Variants in GPC5 observed in about 807,000 individuals in gnomAD.
GPC5 encodes the protein glypican 5.
GPC5 carries 47 observed loss-of-function variants against 53.9 expected under a neutral mutation model. That is an observed-to-expected ratio of 0.87 (90% confidence interval 0.69 to 1.11). The LOEUF (loss-of-function observed/expected upper bound fraction) is 1.11, where lower values mean the gene tolerates loss of function less well. Ranked by LOEUF, GPC5 falls within the 50% of genes most tolerant of loss-of-function variation. GPC5 has a pLI of 0.00. For missense variants in GPC5, 748 were observed against 713.1 expected (o/e 1.05, Z -0.56); for synonymous variants, 286 against 263.3 (o/e 1.09, Z -0.84).
Position 91,971,974 on chromosome 13 carries a change from T to A in GPC5, c.1401+63917T>A, listed in dbSNP as rs1412130334. ...TGGGGTGGAGAGTTCTGTAGATGTC[T>A]ATTAGGTCTGCTTGGTGCAGAGCTG... On this transcript the variant is annotated intron_variant, in intron 6 of 7. Coordinates refer to ENST00000377067, the MANE Select transcript of GPC5 (RefSeq NM_004466.6). Among the ~76,000 whole-genome samples, 3 of 152,168 alleles carry A rather than the reference T, an allele frequency of 2.0e-5. No homozygotes were observed. The East Asian group carries it at 5.8e-4, about 29-fold the overall frequency.
intron 6 of GPC5, among the ~76,000 whole-genome samples, chr13:91,946,349 A>G (rs2039974350): frequency 1.3e-5 from 2 of 152,176 alleles, no homozygotes; most frequent in Admixed American, 1.3e-4. Flanking sequence ...TTAAAATATA[A>G]AAAGGCAATA....
intron 6 of GPC5, among the ~76,000 whole-genome samples, chr13:91,928,404 A>G (rs1306081495): frequency 6.6e-6 from 1 of 152,182 alleles, no homozygotes; most frequent in Non-Finnish European, 1.5e-5. Context: ...TAAAGAGAGA[A>G]TGTTGTGAGT....
chr13:92,651,438 C>T (rs1885954802), intron 7 of GPC5, among the ~76,000 whole-genome samples: 1 of 152,080 alleles, frequency 6.6e-6, no homozygotes, highest in African/African-American at 2.4e-5. Flanking sequence ...AAACATCAAT[C>T]AAATCCCAAT....
At chr13:91,571,666 A>C (rs2031785990) in intron 2 of GPC5, among the ~76,000 whole-genome samples, 1 of 151,484 alleles carries the variant, frequency 6.6e-6, no homozygotes, top group South Asian at 2.1e-4. Context: ...TGGAAATTGC[A>C]GTGAGCCAAG....
At chr13:91,938,326 A>G (rs1431309220) in intron 6 of GPC5, among the ~76,000 whole-genome samples, 1 of 152,088 alleles carries the variant, frequency 6.6e-6, no homozygotes, top group Non-Finnish European at 1.5e-5. Flanking sequence ...GGGAAGTGCA[A>G]CACTCTTTTA....
intron 7 of GPC5, among the ~76,000 whole-genome samples, chr13:92,353,327 T>G (rs1442735809): frequency 1.3e-5 from 2 of 148,356 alleles, no homozygotes; most frequent in Non-Finnish European, 3.0e-5. Flanking sequence ...AACTGCCAGA[T>G]AGTCATACGA....
At chr13:91,410,626 G>A (rs28450250) in intron 1 of GPC5, among the ~76,000 whole-genome samples, 43,228 of 151,732 alleles carry the variant, frequency 0.28, 7,123 homozygotes, top group Admixed American at 0.38. Flanking sequence ...GATTACAGGC[G>A]TGAGCCACTA....
chr13:92,502,904 C>T (rs1880242278), intron 7 of GPC5, among the ~76,000 whole-genome samples: 1 of 151,928 alleles, frequency 6.6e-6, no homozygotes, highest in Non-Finnish European at 1.5e-5. Context: ...TTCCCATATA[C>T]ACAAGGAACA....
In GPC5 at chr13:92,543,718, T is replaced by C. The variant is rs552900134; in HGVS notation, c.1562-322564T>C. 4.6e-5 allele frequency among the ~76,000 whole-genome samples: 7 copies of C among 152,142 alleles called. No individual in the cohort carries two copies. The South Asian group carries it at 1.5e-3, about 32-fold the overall frequency. On this transcript the variant is annotated intron_variant, in intron 7 of 7. Coordinates refer to ENST00000377067, the MANE Select transcript of GPC5 (RefSeq NM_004466.6). ...TGAATATAGCTATATTAGATGAAGG[T>C]TTATTTTCTATTTTTTTAATGCAAG...
At chr13:92,759,094 G>T (rs1875047617) in intron 7 of GPC5, among the ~76,000 whole-genome samples, 2 of 141,202 alleles carry the variant, frequency 1.4e-5, no homozygotes, top group Admixed American at 7.7e-5. Flanking sequence ...TATCCCACTG[G>T]TCCACTGGTC....
chr13:92,474,933 T>G (rs1879048678), intron 7 of GPC5, among the ~76,000 whole-genome samples: 1 of 152,118 alleles, frequency 6.6e-6, no homozygotes, highest in Non-Finnish European at 1.5e-5. Flanking sequence ...AACAGTTATA[T>G]TCTGTCCTTA....
At chr13:91,944,537 C>G (rs7328540) in intron 6 of GPC5, among the ~76,000 whole-genome samples, 10,298 of 152,200 alleles carry the variant, frequency 0.068, 498 homozygotes, top group African/African-American at 0.13. Context: ...CCTATTTCCC[C>G]TTTCTTTTAC....
chr13:92,769,850 CAGGT>C (rs1875545476), intron 7 of GPC5, among the ~76,000 whole-genome samples: 1 of 152,172 alleles, frequency 6.6e-6, no homozygotes, highest in South Asian at 2.1e-4. Context: ...CTCAGATAAT[CAGGT>C]AGACCTTGTT....
At chr13:92,137,840 G>C (rs1375582782) in intron 6 of GPC5, among the ~76,000 whole-genome samples, 1 of 152,168 alleles carries the variant, frequency 6.6e-6, no homozygotes, top group East Asian at 1.9e-4. Flanking sequence ...GTGTGGCCCA[G>C]AGAAGTAATG....
intron 2 of GPC5, among the ~76,000 whole-genome samples, chr13:91,556,588 CACACACACATAT>C (rs979192315): frequency 5.9e-5 from 9 of 151,266 alleles, no homozygotes; most frequent in South Asian, 2.1e-4. Context: ...CACAGACACC[CACACACACATAT>C]ACACACACAT....
intron 7 of GPC5, among the ~76,000 whole-genome samples, chr13:92,790,827 C>T (rs1423754152): frequency 6.6e-6 from 1 of 151,794 alleles, no homozygotes; most frequent in African/African-American, 2.4e-5. Flanking sequence ...TTTGATTCTC[C>T]CTATGTGGTA....
chr13:92,356,257 G>C (rs1239850132), intron 7 of GPC5, among the ~76,000 whole-genome samples: 1 of 152,122 alleles, frequency 6.6e-6, no homozygotes, highest in African/African-American at 2.4e-5. Flanking sequence ...GGCGGGAGAG[G>C]AATGAACCAG....
At chr13:92,198,372 T>C (rs1242299400) in intron 7 of GPC5, among the ~76,000 whole-genome samples, 1 of 152,204 alleles carries the variant, frequency 6.6e-6, no homozygotes, top group East Asian at 1.9e-4. Flanking sequence ...GGTTGGTTGA[T>C]ACCTCATTGA....
intron 7 of GPC5, among the ~76,000 whole-genome samples, chr13:92,477,799 G>A (rs1441115620): frequency 6.6e-6 from 1 of 151,938 alleles, no homozygotes; most frequent in South Asian, 2.1e-4. Context: ...TTACTGTAGC[G>A]GTGTGTTGTT....
Sources: allele counts gnomAD v4.1 joint callset (sites outside exome capture counted in the v4.1 genomes callset), GRCh38; gene constraint gnomAD v4.1.1; transcripts MANE v1.5; gene names NCBI Gene and HGNC (gene_info 2026-07-23, HGNC 2026-07-21).